Variants in PPP1R14C observed in about 807,000 individuals in gnomAD.
PPP1R14C encodes protein phosphatase 1 regulatory subunit 14C.
Under a neutral mutation model 20.4 loss-of-function variants are expected in PPP1R14C, and 16 were observed. The observed-to-expected ratio is 0.78, with a 90% CI of 0.53 to 1.19. PPP1R14C has a LOEUF of 1.19. Ranked by LOEUF, PPP1R14C falls within the 50% of genes most tolerant of loss-of-function variation. PPP1R14C has a pLI of 0.00. For missense variants in PPP1R14C, 211 were observed against 220.1 expected (o/e 0.96, Z 0.26); for synonymous variants, 91 against 91.0 (o/e 1.00, Z 0.00).
intron 3 of PPP1R14C, among the ~76,000 whole-genome samples, chr6:150,231,088 G>C (rs1473475033): frequency 6.6e-6 from 1 of 152,244 alleles, no homozygotes; most frequent in Admixed American, 6.5e-5. Context: ...GCAGAGCTCA[G>C]AGTAGAGGGT....
chr6:150,160,994 A>T (rs1402340915), intron 1 of PPP1R14C, among the ~76,000 whole-genome samples: 3 of 151,858 alleles, frequency 2.0e-5, no homozygotes, highest in Non-Finnish European at 4.4e-5. Flanking sequence ...AGAAACCAAG[A>T]TATGGCCGGG....
chr6:150,183,943 A>C (rs1777649522), intron 1 of PPP1R14C, among the ~76,000 whole-genome samples: 1 of 152,242 alleles, frequency 6.6e-6, no homozygotes, highest in Non-Finnish European at 1.5e-5. Context: ...CTATGGTGTA[A>C]CGCTTACTTT....
intron 1 of PPP1R14C, among the ~76,000 whole-genome samples, chr6:150,209,191 C>T (rs540223993): frequency 9.9e-5 from 15 of 152,240 alleles, no homozygotes; most frequent in African/African-American, 2.6e-4. Context: ...GAAATGGAGA[C>T]GGATGAGAGC....
intron 1 of PPP1R14C, among the ~76,000 whole-genome samples, chr6:150,176,588 T>C (rs1777565264): frequency 6.6e-6 from 1 of 152,188 alleles, no homozygotes; most frequent in Non-Finnish European, 1.5e-5. Context: ...ATTCATGATC[T>C]GTGTCTTTCT....
chr6:150,241,659 G>A (rs1198171133), intron 3 of PPP1R14C, among the ~76,000 whole-genome samples: 1 of 152,152 alleles, frequency 6.6e-6, no homozygotes, highest in Non-Finnish European at 1.5e-5. Flanking sequence ...GGCCGAGGTG[G>A]GCGGATCACT....
intron 3 of PPP1R14C, among the ~76,000 whole-genome samples, chr6:150,238,403 G>A (rs966296845): frequency 2.0e-5 from 3 of 152,220 alleles, no homozygotes; most frequent in Non-Finnish European, 4.4e-5. Context: ...GGAAGGAAAG[G>A]GAGGGAGCTG....
At chr6:150,179,706 T>C (rs1562262849) in intron 1 of PPP1R14C, among the ~76,000 whole-genome samples, 1 of 152,144 alleles carries the variant, frequency 6.6e-6, no homozygotes. Flanking sequence ...TAAATAACTT[T>C]TTTTTCCAAA....
At chr6:150,153,366 C>T (rs148916681) in intron 1 of PPP1R14C, among the ~76,000 whole-genome samples, 254 of 152,346 alleles carry the variant, frequency 1.7e-3, no homozygotes, top group Middle Eastern at 3.4e-3. Flanking sequence ...AACCTCTGAA[C>T]TAAAAGGAAG....
chr6:150,240,775 C>T (rs2114932029), intron 3 of PPP1R14C, among the ~76,000 whole-genome samples: 1 of 152,334 alleles, frequency 6.6e-6, no homozygotes, highest in East Asian at 1.9e-4. Context: ...CACTTCTAGT[C>T]AGTCTGTGCA....
At chr6:150,159,701 G>T (rs779418586) in intron 1 of PPP1R14C, among the ~76,000 whole-genome samples, 1 of 151,436 alleles carries the variant, frequency 6.6e-6, no homozygotes, top group Non-Finnish European at 1.5e-5. Flanking sequence ...GAACACTATT[G>T]CCATATACTC....
chr6:150,205,449 C>A (rs1777936384), intron 1 of PPP1R14C, among the ~76,000 whole-genome samples: 1 of 152,118 alleles, frequency 6.6e-6, no homozygotes, highest in East Asian at 1.9e-4. Flanking sequence ...AACTACAGTA[C>A]CTGATGGAGC....
chr6:150,230,443 AC>A (rs1179794008), intron 3 of PPP1R14C, among the ~76,000 whole-genome samples: 1 of 152,130 alleles, frequency 6.6e-6, no homozygotes. Context: ...AGAGGAGGCA[AC>A]ACGTGGGGAG....
At chr6:150,165,791 T>C (rs988614583) in intron 1 of PPP1R14C, among the ~76,000 whole-genome samples, 1 of 152,326 alleles carries the variant, frequency 6.6e-6, no homozygotes, top group African/African-American at 2.4e-5. Flanking sequence ...TTTATGTTGC[T>C]ATCAGACTAT....
At chr6:150,168,333 G>A (rs1233551868) in intron 1 of PPP1R14C, among the ~76,000 whole-genome samples, 2 of 151,630 alleles carry the variant, frequency 1.3e-5, no homozygotes, top group Admixed American at 6.6e-5. Flanking sequence ...TCAGGAGATC[G>A]AGACCATCCT....
chr6:150,143,649 C>G lies in PPP1R14C; in HGVS notation c.306+151C>G, dbSNP rs970378803. ...GCGAGGCGCGGCGCCTTCTCTCCCC[C>G]GCGGTGCCCTCTGGCGTCGGGCTCA... On this transcript the variant is annotated intron_variant, in intron 1 of 3. Transcript: ENST00000361131. The surrounding 1 kb of genome is among the most constrained non-coding windows in gnomAD (Gnocchi z 5.6). The G allele has an allele frequency of 1.3e-5, 8 of 624,348 alleles. No individual in the cohort carries two copies. The highest frequency in any genetic ancestry group is 1.3e-5 in the Non-Finnish European group (5 of 374,620). 38.7% of individuals were successfully genotyped at this position (624,348 alleles called of 1,614,324 possible).
chr6:150,171,112 A>G (rs1165317774), intron 1 of PPP1R14C, among the ~76,000 whole-genome samples: 1 of 152,126 alleles, frequency 6.6e-6, no homozygotes, highest in Non-Finnish European at 1.5e-5. Context: ...ATTATCACCC[A>G]AAGTGCATAG....
At chr6:150,241,434 C>A (rs1403466421) in intron 3 of PPP1R14C, among the ~76,000 whole-genome samples, 3 of 152,056 alleles carry the variant, frequency 2.0e-5, no homozygotes. Context: ...ATTATTGTAC[C>A]CTCAGAGAGG....
chr6:150,165,429 A>T, intron 1 of PPP1R14C, among the ~76,000 whole-genome samples: 1 of 152,248 alleles, frequency 6.6e-6, no homozygotes, highest in East Asian at 1.9e-4. Context: ...TTTCTGGACC[A>T]GTTCTGCTGG....
At chr6:150,215,955 G>A (rs759286151) in intron 2 of PPP1R14C, among the ~76,000 whole-genome samples, 46 of 152,182 alleles carry the variant, frequency 3.0e-4, no homozygotes, top group Non-Finnish European at 5.4e-4. Flanking sequence ...GTGCATGCGC[G>A]TGTGCATACA....
Sources: gnomAD v4.1 joint callset for allele counts (sites outside exome capture counted in the v4.1 genomes callset) on GRCh38, gnomAD v4.1.1 for gene constraint, Gnocchi (gnomAD v3.1) non-coding constraint, MANE v1.5 for transcripts, NCBI Gene and HGNC (gene_info 2026-07-23, HGNC 2026-07-21) for gene names.